Variants in WWOX observed in about 807,000 individuals in gnomAD.
The protein encoded by WWOX is WW domain containing oxidoreductase.
WWOX carries 69 observed loss-of-function variants against 46.2 expected under a neutral mutation model. The ratio of observed to expected loss-of-function variants is 1.49; its 90% confidence interval spans 1.23 to 1.82. WWOX has a LOEUF of 1.82. Ranked by LOEUF, WWOX falls within the 40% of genes most tolerant of loss-of-function variation. The pLI is 0.00. For synonymous variants in WWOX, 359 were observed against 202.6 expected (o/e 1.77, Z -6.56); for missense variants, 919 against 542.6 (o/e 1.69, Z -6.89).
chr16:78,587,193 C>CTTTTTTTTTTTTTTTTTTTTTTTTTTTTT (rs528293412), intron 8 of WWOX, among the ~76,000 whole-genome samples: 2 of 112,908 alleles, frequency 1.8e-5, no homozygotes, highest in African/African-American at 6.8e-5. Context: ...GCCTGGCTAA[C>CTTTTTTTTTTTTTTTTTTTTTTTTTTTTT]TTTTTTTTTT....
intron 8 of WWOX, among the ~76,000 whole-genome samples, chr16:78,544,365 T>C (rs1395092040): frequency 6.6e-6 from 1 of 152,164 alleles, no homozygotes; most frequent in Non-Finnish European, 1.5e-5. Flanking sequence ...ACATTTTGCA[T>C]TCTTTATTTA....
intron 8 of WWOX, among the ~76,000 whole-genome samples, chr16:78,837,481 G>A (rs1187358560): frequency 6.6e-6 from 1 of 152,148 alleles, no homozygotes; most frequent in African/African-American, 2.4e-5. Context: ...CACTTATAAG[G>A]CTTGTTCAAA....
intron 8 of WWOX, among the ~76,000 whole-genome samples, chr16:78,544,758 C>T (rs886680791): frequency 9.9e-5 from 15 of 151,664 alleles, no homozygotes; most frequent in Non-Finnish European, 2.9e-5. Flanking sequence ...TCCTGTGGTT[C>T]CAGCTACTCA....
intron 8 of WWOX, among the ~76,000 whole-genome samples, chr16:78,672,519 C>G (rs952808928): frequency 1.3e-5 from 2 of 152,196 alleles, no homozygotes; most frequent in South Asian, 4.1e-4. Context: ...GTAGCCAGGT[C>G]ATTAGGCCCA....
chr16:78,505,024 T>C (rs2085159221), intron 8 of WWOX, among the ~76,000 whole-genome samples: 1 of 152,178 alleles, frequency 6.6e-6, no homozygotes, highest in African/African-American at 2.4e-5. Flanking sequence ...ATAAATGGTG[T>C]ATTTCACACA....
At chr16:78,394,381 T>G (rs542406505) in intron 6 of WWOX, among the ~76,000 whole-genome samples, 1 of 152,154 alleles carries the variant, frequency 6.6e-6, no homozygotes, top group Non-Finnish European at 1.5e-5. Flanking sequence ...AAGTTAAATT[T>G]TTTTTTCTAT....
At chr16:79,047,672 A>ACTTTTTTTTTT (rs529812201) in intron 8 of WWOX, among the ~76,000 whole-genome samples, 2 of 53,522 alleles carry the variant, frequency 3.7e-5, no homozygotes, top group African/African-American at 1.5e-4. Flanking sequence ...GACTGTCCTG[A>ACTTTTTTTTTT]TTTTTTTTTT....
At chr16:78,941,539 G>T (rs1487440119) in intron 8 of WWOX, among the ~76,000 whole-genome samples, 2 of 151,984 alleles carry the variant, frequency 1.3e-5, no homozygotes, top group African/African-American at 4.8e-5. Flanking sequence ...TGAAGCTGGG[G>T]ACGGGGGGAT....
chr16:78,551,611 A>G (rs1049896405), intron 8 of WWOX: 2 of 151,930 alleles, frequency 1.3e-5, no homozygotes, highest in African/African-American at 4.8e-5. Flanking sequence ...AATGGTGAAT[A>G]CCCTCGGCGG....
intron 5 of WWOX, among the ~76,000 whole-genome samples, chr16:78,181,441 G>A (rs530014417): frequency 2.3e-4 from 35 of 152,204 alleles, no homozygotes; most frequent in Admixed American, 2.0e-3. Flanking sequence ...CCCCTAAAGC[G>A]GCCAGGAAAA....
chr16:78,707,544 C>G (rs575773837), intron 8 of WWOX, among the ~76,000 whole-genome samples: 1 of 152,214 alleles, frequency 6.6e-6, no homozygotes, highest in East Asian at 1.9e-4. Flanking sequence ...TATCAGGAAC[C>G]GAAGTCAGAA....
At chr16:79,065,974 G>A (rs1311505738) in intron 8 of WWOX, among the ~76,000 whole-genome samples, 1 of 152,096 alleles carries the variant, frequency 6.6e-6, no homozygotes, top group Non-Finnish European at 1.5e-5. Context: ...TCTCCTCTTT[G>A]TACCACCTTC....
chr16:78,735,426 C>CAA (rs57609552), intron 8 of WWOX, among the ~76,000 whole-genome samples: 42 of 150,190 alleles, frequency 2.8e-4, no homozygotes, highest in Non-Finnish European at 6.1e-4. Context: ...CACACACACA[C>CAA]TAATATGGTT....
At chr16:78,410,427 T>C (rs2082652623) in intron 6 of WWOX, among the ~76,000 whole-genome samples, 1 of 152,266 alleles carries the variant, frequency 6.6e-6, no homozygotes, top group Non-Finnish European at 1.5e-5. Flanking sequence ...ACTTTTATTT[T>C]TCCCAGTTAC....
At chr16:78,741,389 C>T (rs544112761) in intron 8 of WWOX, among the ~76,000 whole-genome samples, 63 of 151,414 alleles carry the variant, frequency 4.2e-4, no homozygotes, top group African/African-American at 1.5e-3. Flanking sequence ...GGTGAGATCC[C>T]ATCTCTACTA....
intron 8 of WWOX, among the ~76,000 whole-genome samples, chr16:78,934,056 C>T (rs1487735876): frequency 3.3e-5 from 5 of 151,900 alleles, no homozygotes; most frequent in Admixed American, 6.6e-5. Context: ...TTAGCCGGGG[C>T]CGGGCACGGT....
intron 8 of WWOX, among the ~76,000 whole-genome samples, chr16:78,699,462 C>T (rs554480391): frequency 2.5e-3 from 374 of 152,200 alleles, no homozygotes; most frequent in Admixed American, 6.9e-3. Context: ...TATCCTGAGC[C>T]CAGGAGGCAG....
At chr16:78,395,239 A>G (rs1310575341) in intron 6 of WWOX, among the ~76,000 whole-genome samples, 2 of 152,178 alleles carry the variant, frequency 1.3e-5, no homozygotes, top group Non-Finnish European at 2.9e-5. Context: ...GTTTGAGAGG[A>G]CACGTGTGAT....
chr16:78,183,971 A>G (rs1567617488), intron 5 of WWOX, among the ~76,000 whole-genome samples: 1 of 152,188 alleles, frequency 6.6e-6, no homozygotes, highest in African/African-American at 2.4e-5. Context: ...AAGCCTGCAC[A>G]AACACTTTGG....
Sources: gnomAD v4.1 joint callset for allele counts (sites outside exome capture counted in the v4.1 genomes callset) on GRCh38, gnomAD v4.1.1 for gene constraint, MANE v1.5 for transcripts, NCBI Gene and HGNC (gene_info 2026-07-23, HGNC 2026-07-21) for gene names.